The following CRIPT variants were observed in gnomAD, a reference collection of about 807,000 sequenced individuals.
CRIPT encodes the protein cysteine-rich PDZ-binding protein.
CRIPT carries 20 observed loss-of-function variants against 16.6 expected under a neutral mutation model. That is an observed-to-expected ratio of 1.20 (90% CI 0.85 to 1.75). The LOEUF (loss-of-function observed/expected upper bound fraction) is 1.75. Among genes scored for constraint, CRIPT ranks in the 40% most tolerant of loss-of-function variants. The pLI, the probability that CRIPT is intolerant of heterozygous loss-of-function variation, is 0.00. For missense variants in CRIPT, 133 were observed against 115.3 expected (o/e 1.15, Z -0.70); for synonymous variants, 42 against 37.0 (o/e 1.14, Z -0.49).
In CRIPT at chr2:46,622,239, G is replaced by A. The variant is rs60433394; in HGVS notation, c.138-1525G>A. ...AAAAAAATTAGCCGGGCGTGGTGGC[G>A]GTCACCTGTAATCCCAGCTACTCGG... On this transcript the variant is annotated intron_variant, in intron 3 of 4. Transcript: ENST00000238892. Among the ~76,000 whole-genome samples, 468 of 151,700 alleles carry A rather than the reference G, an allele frequency of 3.1e-3. 5 individuals are homozygous for A. Among genetic ancestry groups the A allele is most frequent in the East Asian group, 0.017 (86 of 5,102 alleles).
In CRIPT at chr2:46,627,312, T is replaced by C. The variant is rs188776016; in HGVS notation, c.*3085T>C. Among the ~76,000 whole-genome samples the C allele has an allele frequency of 4.6e-5, 7 of 152,306 alleles. No individual in the cohort carries two copies. The highest frequency in any genetic ancestry group is 2.0e-4 in the Admixed American group (3 of 15,306). ...CTTTAGTTTGATTAGGTTCCACTTG[T>C]CAATTTTTGTTTTTGTTGCAATTGC... On this transcript the variant is annotated 3_prime_UTR_variant, in exon 5 of 5. Coordinates refer to ENST00000238892, the MANE Select transcript of CRIPT (RefSeq NM_014171.6).
intron 3 of CRIPT, among the ~76,000 whole-genome samples, chr2:46,623,024 T>C (rs1172176079): frequency 6.6e-6 from 1 of 152,110 alleles, no homozygotes; most frequent in Admixed American, 6.5e-5. Context: ...TTTCTTTTTT[T>C]CACTCCTGTC....
Position 46,628,727 on chromosome 2 carries a change from A to G in CRIPT, c.*4500A>G, listed in dbSNP as rs1671003050. 6.6e-6 allele frequency among the ~76,000 whole-genome samples: 1 copy of G among 152,208 alleles called. No homozygotes were observed. The highest frequency in any genetic ancestry group is 6.5e-5 in the Admixed American group (1 of 15,274). ...GAACCATCTCCATATTCTCTAAATA[A>G]TAATAATGATGGTCATAAATTGAAT... is the stretch of plus-strand genomic sequence containing the variant. On this transcript the variant is annotated 3_prime_UTR_variant, in exon 5 of 5. Transcript: ENST00000238892.
At chr2:46,622,814 A>G (rs928160877) in intron 3 of CRIPT, among the ~76,000 whole-genome samples, 1 of 149,668 alleles carries the variant, frequency 6.7e-6, no homozygotes. Context: ...TTCAGTCTCA[A>G]AAAAAAAAAA....
Position 46,625,240 on chromosome 2 carries a change from T to C in CRIPT, c.*1013T>C, listed in dbSNP as rs1054066356. The C allele has an allele frequency of 6.6e-6, 1 of 151,708 alleles. No individual in the cohort carries two copies. Among genetic ancestry groups the C allele is most frequent in the African/African-American group, 2.4e-5 (1 of 41,278 alleles). The allele number at this position is 151,708 out of a possible 1,614,324, so 9.4% of individuals were successfully genotyped here. A position where few individuals can be genotyped will look rare whatever the true frequency, so the allele number is the denominator to read the frequency against. On this transcript the variant is annotated 3_prime_UTR_variant, in exon 5 of 5. Transcript: ENST00000238892. ...GGCGTGTGCCACTGTGCTCAGCTAG[T>C]TTTTATTTTTAGTAGAGATGAGGAC...
intron 3 of CRIPT, among the ~76,000 whole-genome samples, chr2:46,620,580 C>G (rs1670777192): frequency 6.6e-6 from 1 of 151,784 alleles, no homozygotes; most frequent in African/African-American, 2.4e-5. Context: ...TTCAGCCACT[C>G]TAGTCATGTG....
chr2:46,629,564 C>T lies in CRIPT; in HGVS notation c.*5337C>T, dbSNP rs965594104. Among the ~76,000 whole-genome samples the T allele has an allele frequency of 1.3e-5, 2 of 152,090 alleles. No homozygotes were observed. Among genetic ancestry groups the T allele is most frequent in the African/African-American group, 4.8e-5 (2 of 41,426 alleles). On this transcript the variant is annotated 3_prime_UTR_variant, in exon 5 of 5. Transcript: ENST00000238892. The stretch of plus-strand genomic sequence containing the variant: ...ATAATAGTAATATATTTGAAAAATA[C>T]AGGACAGCTAAAGGATAGAGTATCC...
At position 46,617,251 on chromosome 2, in the gene CRIPT, T is replaced by A. The variant is rs964621661; in HGVS notation, c.-32T>A. Reference sequence around the variant, plus strand: ...GTTTTCAGCCTGCTGCTGCTGCTGCTGTTGCGGCTAGGGGAACCGTCGTGG... The same window carrying A: ...GTTTTCAGCCTGCTGCTGCTGCTGCAGTTGCGGCTAGGGGAACCGTCGTGG... On this transcript the variant is annotated 5_prime_UTR_variant, in exon 1 of 5. Coordinates refer to ENST00000238892, the MANE Select transcript of CRIPT (RefSeq NM_014171.6). 6 of 1,553,214 alleles carry A rather than the reference T, an allele frequency of 3.9e-6. No homozygotes were observed. The highest frequency in any genetic ancestry group is 1.7e-4 in the Middle Eastern group (1 of 5,992).
chr2:46,620,418 A>C (rs2104168089), intron 3 of CRIPT, among the ~76,000 whole-genome samples: 1 of 140,610 alleles, frequency 7.1e-6, no homozygotes, highest in South Asian at 2.2e-4. Flanking sequence ...ACTGATCTCC[A>C]GCCTGGGTTG....
intron 3 of CRIPT, among the ~76,000 whole-genome samples, chr2:46,621,526 C>G (rs535487519): frequency 6.6e-6 from 1 of 152,168 alleles, no homozygotes; most frequent in African/African-American, 2.4e-5. Flanking sequence ...TATAATACTA[C>G]TATTTGAAAA....
In CRIPT at chr2:46,618,814, A is replaced by G. The variant is rs1009941521; in HGVS notation, c.58A>G (p.Lys20Glu). Residue 20 changes from lysine to glutamate, a missense_variant, in exon 2 of 5, where the codon AAA (lysine) becomes GAA (glutamate). Coordinates refer to ENST00000238892, the MANE Select transcript of CRIPT (RefSeq NM_014171.6). ...LGTVITPDTW[K>E]DGARNTTESG... ...TACTGTTATCACTCCAGATACATGG[A>G]AAGATGGTGCTAGGAATACCACAGG... is the stretch of plus-strand genomic sequence containing the variant. 1.2e-6 allele frequency: 2 copies of G among 1,607,406 alleles called. No individual in the cohort carries two copies. Among genetic ancestry groups the G allele is most frequent in the African/African-American group, 2.7e-5 (2 of 74,818 alleles).
chr2:46,620,760 T>G (rs1670782181), intron 3 of CRIPT, among the ~76,000 whole-genome samples: 1 of 149,870 alleles, frequency 6.7e-6, no homozygotes, highest in Non-Finnish European at 1.5e-5. Flanking sequence ...CTCCCAAATT[T>G]ATACCTCTGG....
chr2:46,627,898 T>G lies in CRIPT; in HGVS notation c.*3671T>G, dbSNP rs1670977119. On this transcript the variant is annotated 3_prime_UTR_variant, in exon 5 of 5. Transcript: ENST00000238892. ...CTCTGTTGCTTATTTTTGTTAACTT[T>G]GTCAAAGGTCAGATGGCTGTAGGTG... Among the ~76,000 whole-genome samples, 1 of 152,180 alleles carries G rather than the reference T, an allele frequency of 6.6e-6. No homozygotes were observed. Among genetic ancestry groups the G allele is most frequent in the South Asian group, 2.1e-4 (1 of 4,832 alleles).
Position 46,627,074 on chromosome 2 carries a change from C to T in CRIPT, c.*2847C>T, listed in dbSNP as rs540038351. Reference sequence around the variant, plus strand: ...TCTCGAATTCCTGACCTCAGGTGATCCACCCATCTCAGCCTCCCAAAGTGC... The same window carrying T: ...TCTCGAATTCCTGACCTCAGGTGATTCACCCATCTCAGCCTCCCAAAGTGC... On this transcript the variant is annotated 3_prime_UTR_variant, in exon 5 of 5. Transcript: ENST00000238892. 4.0e-4 allele frequency among the ~76,000 whole-genome samples: 61 copies of T among 152,294 alleles called. No homozygotes were observed. Among genetic ancestry groups the T allele is most frequent in the Non-Finnish European group, 3.2e-4 (22 of 68,022 alleles).
intron 3 of CRIPT, among the ~76,000 whole-genome samples, chr2:46,620,203 C>A (rs1224201610): frequency 6.6e-6 from 1 of 152,158 alleles, no homozygotes; most frequent in Non-Finnish European, 1.5e-5. Context: ...AATCCTAGCA[C>A]TTTGGGAAGC....
Position 46,623,276 on chromosome 2 carries a change from A to C in CRIPT, c.138-488A>C, listed in dbSNP as rs557437716. Among the ~76,000 whole-genome samples, 5 of 152,318 alleles carry C rather than the reference A, an allele frequency of 3.3e-5. No homozygotes were observed. In the East Asian group the frequency reaches 9.6e-4, roughly 29 times the overall value. On this transcript the variant is annotated intron_variant, in intron 3 of 4. Transcript: ENST00000238892. ...CAAAAATCACAATCAGAATATGTTC[A>C]GTTTCTTTAAAGTAGAGCAAAAATT...
chr2:46,628,065 T>C lies in CRIPT; in HGVS notation c.*3838T>C, dbSNP rs568532715. ...GATACCTCAGCTTTGTTTTATTTGC[T>C]TAGGATTGATTTTTTGGTTCCATAT... On this transcript the variant is annotated 3_prime_UTR_variant, in exon 5 of 5. Coordinates refer to ENST00000238892, the MANE Select transcript of CRIPT (RefSeq NM_014171.6). 1.9e-4 allele frequency among the ~76,000 whole-genome samples: 29 copies of C among 152,202 alleles called. No individual in the cohort carries two copies. Among genetic ancestry groups the C allele is most frequent in the Admixed American group, 3.3e-4 (5 of 15,270 alleles).
chr2:46,621,844 G>C (rs1234399371), intron 3 of CRIPT, among the ~76,000 whole-genome samples: 1 of 152,174 alleles, frequency 6.6e-6, no homozygotes, highest in Non-Finnish European at 1.5e-5. Flanking sequence ...TGAGGTCTTT[G>C]AGAACCATTC....
chr2:46,623,267 A>T (rs1670854004), intron 3 of CRIPT, among the ~76,000 whole-genome samples: 1 of 152,232 alleles, frequency 6.6e-6, no homozygotes, highest in African/African-American at 2.4e-5. Flanking sequence ...TCACAATCAG[A>T]ATATGTTCAG....
Sources: gnomAD v4.1 joint callset for allele counts (sites outside exome capture counted in the v4.1 genomes callset) on GRCh38, gnomAD v4.1.1 for gene constraint, MANE v1.5 for transcripts, NCBI Gene and HGNC (gene_info 2026-07-23, HGNC 2026-07-21) for gene names.